The following MDM2 variants were observed in gnomAD, a reference collection of about 807,000 sequenced individuals.
The protein encoded by MDM2 is E3 ubiquitin-protein ligase Mdm2.
A neutral mutation model predicts 64.3 loss-of-function variants in MDM2; 11 were observed. That is an observed-to-expected ratio of 0.17 (90% CI 0.11 to 0.28). MDM2 has a LOEUF of 0.28. Ranked by LOEUF, MDM2 falls within the 10% of genes least tolerant of loss-of-function variation. The pLI is 1.00. For missense variants in MDM2, 388 were observed against 577.1 expected, an observed-to-expected ratio of 0.67 and a Z score of 3.36; for synonymous variants, 194 against 192.9, an observed-to-expected ratio of 1.01 and a Z score of -0.05.
At chr12:68,849,400 TTG>T (rs1491305351), downstream of MDM2, 66 of 109,876 alleles carry the variant, frequency 6.0e-4, no homozygotes, top group Non-Finnish European at 6.4e-4. Context: ...GTTTTTTTTT[TTG>T]TTGTTGTTGT....
chr12:68,821,553 ACT>A (rs3730550), intron 5 of MDM2, among the ~76,000 whole-genome samples: 14,535 of 152,008 alleles, frequency 0.096, 2,317 homozygotes, highest in African/African-American at 0.33. Flanking sequence ...CAAAATCCTA[ACT>A]CTGCAAAAAC....
Position 68,828,835 on chromosome 12 carries a change from C to T in MDM2, c.588C>T (p.Ser196=), listed in dbSNP as rs1189176700. The change falls in exon 8 of 11, where the codon TCC becomes TCT. Residue 196 remains serine, a synonymous_variant. Transcript: ENST00000258149. The stretch of plus-strand genomic sequence containing the variant: ...AACGCCACAAATCTGATAGTATTTC[C>T]CTTTCCTTTGATGAAAGCCTGGCTC... ...QRKRHKSDSI[S]LSFDESLALC... The T allele has an allele frequency of 1.2e-6, 2 of 1,613,908 alleles. No individual in the cohort carries two copies. The highest frequency in any genetic ancestry group is 1.7e-6 in the Non-Finnish European group (2 of 1,179,950).
At chr12:68,810,614 A>C (rs1880798729) in intron 2 of MDM2, among the ~76,000 whole-genome samples, 1 of 151,596 alleles carries the variant, frequency 6.6e-6, no homozygotes. Flanking sequence ...GGCGCCCACC[A>C]CCACGCCCGG....
Position 68,820,194 on chromosome 12 carries a change from A to G in MDM2, c.309-131A>G, listed in dbSNP as rs137981222. On this transcript the variant is annotated intron_variant, in intron 4 of 10. Coordinates refer to ENST00000258149, the MANE Select transcript of MDM2 (RefSeq NM_002392.6). Reference sequence around the variant, plus strand: ...AAGTGCCTACAAGCTTGCCAATGATAAATTTGGTTTTGAATGTGTGCAGTA... The same window carrying G: ...AAGTGCCTACAAGCTTGCCAATGATGAATTTGGTTTTGAATGTGTGCAGTA... 28 of 594,836 alleles carry G rather than the reference A, an allele frequency of 4.7e-5. No individual in the cohort carries two copies. In the East Asian group the frequency reaches 7.8e-4, roughly 17 times the overall value. The allele number at this position is 594,836 out of a possible 1,614,324, so 36.8% of individuals were successfully genotyped here.
intron 9 of MDM2, 26 bp downstream of exon 9, chr12:68,836,010 A>G: frequency 6.5e-7 from 1 of 1,528,686 alleles, no homozygotes. Context: ...CCCTCTAATT[A>G]TATTGGAAAA....
At chr12:68,836,163 T>C (rs942794528) in intron 9 of MDM2, among the ~76,000 whole-genome samples, 179 bp downstream of exon 9, 1 of 152,206 alleles carries the variant, frequency 6.6e-6, no homozygotes, top group Non-Finnish European at 1.5e-5. Context: ...TATCATCTGA[T>C]TTATATTATT....
intron 7 of MDM2, among the ~76,000 whole-genome samples, chr12:68,825,392 G>A (rs926319540): frequency 6.6e-6 from 1 of 152,072 alleles, no homozygotes; most frequent in Non-Finnish European, 1.5e-5. Context: ...AGTGGCTCAC[G>A]CCTGTAATCC....
intron 7 of MDM2, among the ~76,000 whole-genome samples, chr12:68,827,255 A>G (rs904371801): frequency 6.6e-6 from 1 of 152,170 alleles, no homozygotes; most frequent in African/African-American, 2.4e-5. Context: ...TCATGGGTGA[A>G]AAATGATATC....
intron 4 of MDM2, among the ~76,000 whole-genome samples, chr12:68,819,980 A>T (rs1881712452): frequency 6.6e-6 from 1 of 152,248 alleles, no homozygotes. Flanking sequence ...AGCTAAAAAC[A>T]TTCCTGTTTG....
At chr12:68,826,323 G>A (rs1230362375) in intron 7 of MDM2, among the ~76,000 whole-genome samples, 1 of 151,868 alleles carries the variant, frequency 6.6e-6, no homozygotes, top group Non-Finnish European at 1.5e-5. Flanking sequence ...GGTAAAAGTG[G>A]GTAAAAATTG....
intron 7 of MDM2, among the ~76,000 whole-genome samples, chr12:68,826,168 A>AT (rs1882301480): frequency 1.3e-5 from 2 of 152,108 alleles, no homozygotes; most frequent in South Asian, 2.1e-4. Context: ...AATTTTGGTG[A>AT]TTTTTAGCTT....
chr12:68,831,135 G>GT (rs1882759236), intron 8 of MDM2, among the ~76,000 whole-genome samples: 2 of 152,150 alleles, frequency 1.3e-5, no homozygotes. Context: ...GGAACACCAG[G>GT]TTTTTTGTTT....
intron 8 of MDM2, among the ~76,000 whole-genome samples, chr12:68,831,210 T>C (rs567264287): frequency 6.6e-6 from 1 of 152,168 alleles, no homozygotes; most frequent in South Asian, 2.1e-4. Context: ...GAGCGTTTAA[T>C]AGGCAAGAAG....
At chr12:68,822,369 C>A (rs1881927179) in intron 5 of MDM2, among the ~76,000 whole-genome samples, 1 of 35,246 alleles carries the variant, frequency 2.8e-5, no homozygotes, top group African/African-American at 3.0e-4. Flanking sequence ...TGTTTTAAAG[C>A]TCTTTTTTTT....
chr12:68,841,032 G>T lies in MDM2; in HGVS notation c.*1183G>T. ...CTGATTTTTTTGTATTTTTAGTAAA[G>T]ACAGGGTTTCACCATGTTAGCCAGG... On this transcript the variant is annotated 3_prime_UTR_variant, in exon 11 of 11. Coordinates refer to ENST00000258149, the MANE Select transcript of MDM2 (RefSeq NM_002392.6). The T allele has an allele frequency of 5.6e-6, 1 of 178,764 alleles. No homozygotes were observed. The highest frequency in any genetic ancestry group is 1.2e-5 in the Non-Finnish European group (1 of 83,712). The allele number at this position is 178,764 out of a possible 1,614,324, so 11.1% of individuals were successfully genotyped here.
Position 68,808,420 on chromosome 12 carries a change from C to G in MDM2, c.-58C>G. The G allele has an allele frequency of 6.2e-7, 1 of 1,613,174 alleles. No homozygotes were observed. The highest frequency in any genetic ancestry group is 8.5e-7 in the Non-Finnish European group (1 of 1,179,526). On this transcript the variant is annotated 5_prime_UTR_variant, in exon 1 of 11. Transcript: ENST00000258149. ...CCAGGGCGTCGTGCTTCCGCGCGCCCCGTGAAGGAAACTGGGGAGTCTTGA... is the reference window on the plus strand; with the variant it reads ...CCAGGGCGTCGTGCTTCCGCGCGCCGCGTGAAGGAAACTGGGGAGTCTTGA...
chr12:68,810,288 C>T (rs1880752270), intron 2 of MDM2, among the ~76,000 whole-genome samples: 2 of 146,416 alleles, frequency 1.4e-5, no homozygotes, highest in South Asian at 2.2e-4. Context: ...CCAGCCTGGG[C>T]GATAAGAGCG....
At chr12:68,836,556 C>T (rs1565746212) in intron 9 of MDM2, 116 bp from the exon 10 acceptor site, 1 of 783,954 alleles carries the variant, frequency 1.3e-6, no homozygotes, top group East Asian at 2.5e-5. Context: ...TTGATATTGT[C>T]TAAGGCTTTC....
At chr12:68,833,141 A>T (rs1383338936) in intron 8 of MDM2, among the ~76,000 whole-genome samples, 6 of 112,990 alleles carry the variant, frequency 5.3e-5, no homozygotes, top group African/African-American at 1.2e-4. Context: ...AAAAAAAAAA[A>T]AAAAAAAAAT....
Sources: gnomAD v4.1 joint callset for allele counts (sites outside exome capture counted in the v4.1 genomes callset) on GRCh38, gnomAD v4.1.1 for gene constraint, MANE v1.5 for transcripts, NCBI Gene and HGNC (gene_info 2026-07-23, HGNC 2026-07-21) for gene names.